Variants in PDE8B observed in about 807,000 individuals in gnomAD.
The protein encoded by PDE8B is phosphodiesterase 8B, also known as high affinity cAMP-specific and IBMX-insensitive 3',5'-cyclic phosphodiesterase 8B.
PDE8B carries 26 observed loss-of-function variants against 101.3 expected under a neutral mutation model. The observed-to-expected ratio is 0.26, with a 90% confidence interval of 0.19 to 0.36. PDE8B has a LOEUF of 0.36. PDE8B is among the 10% of genes least tolerant of loss of function. PDE8B has a pLI of 1.00. For synonymous variants in PDE8B, 424 were observed against 429.3 expected (o/e 0.99, Z 0.15); for missense variants, 810 against 1,163.1 (o/e 0.70, Z 4.42).
chr5:77,322,467 T>A (rs917848938), intron 2 of PDE8B, among the ~76,000 whole-genome samples: 6 of 152,128 alleles, frequency 3.9e-5, no homozygotes, highest in Non-Finnish European at 5.9e-5. Flanking sequence ...TAGAAGGCCT[T>A]ATCATGGTCT....
In PDE8B at chr5:77,377,405, C is replaced by G. The variant is rs569275671; in HGVS notation, c.1168-22843C>G. Among the ~76,000 whole-genome samples, 38 of 152,310 alleles carry G rather than the reference C, an allele frequency of 2.5e-4. No individual in the cohort carries two copies. The South Asian group carries it at 7.7e-3, about 31-fold the overall frequency. On this transcript the variant is annotated intron_variant, in intron 10 of 21. Coordinates refer to ENST00000264917, the MANE Select transcript of PDE8B (RefSeq NM_003719.5). ...GCAGATTCGTAGTCTCCCACCCAAA[C>G]CTGCTGAAACAAGTGATGGGTGCAG...
At chr5:77,227,178 G>A (rs572279024) in intron 1 of PDE8B, among the ~76,000 whole-genome samples, 6 of 152,212 alleles carry the variant, frequency 3.9e-5, no homozygotes, top group Admixed American at 2.6e-4. Flanking sequence ...GGAATGCATA[G>A]ATGTATATTC....
At chr5:77,339,094 A>G (rs1377623389) in intron 6 of PDE8B, among the ~76,000 whole-genome samples, 4 of 152,296 alleles carry the variant, frequency 2.6e-5, no homozygotes, top group Admixed American at 6.5e-5. Context: ...CCTTCAGGTT[A>G]TTGTACTGCT....
intron 1 of PDE8B, among the ~76,000 whole-genome samples, chr5:77,261,776 T>C (rs1760640772): frequency 6.6e-6 from 1 of 152,194 alleles, no homozygotes; most frequent in African/African-American, 2.4e-5. Flanking sequence ...TGCTTCTAAA[T>C]CCCAATGGTT....
chr5:77,092,172 A>G, the PDE8B span, among the ~76,000 whole-genome samples: 1 of 152,152 alleles, frequency 6.6e-6, no homozygotes. Flanking sequence ...ATTTATTTTT[A>G]AAGTCAGATA....
intron 1 of PDE8B, among the ~76,000 whole-genome samples, chr5:77,251,036 A>G (rs1757958757): frequency 6.6e-6 from 1 of 152,240 alleles, no homozygotes; most frequent in Non-Finnish European, 1.5e-5. Context: ...AGGCTGTTTA[A>G]CAATAGTAGC....
At chr5:77,229,571 T>C (rs1044317163) in intron 1 of PDE8B, among the ~76,000 whole-genome samples, 23 of 152,200 alleles carry the variant, frequency 1.5e-4, no homozygotes, top group African/African-American at 5.6e-4. Context: ...AAACCCTGAA[T>C]TTATTAGCAG....
the PDE8B span, chr5:77,118,629 G>T: frequency 2.6e-6 from 1 of 378,364 alleles, no homozygotes; most frequent in Non-Finnish European, 4.7e-6. Context: ...GATTCTTACT[G>T]CAATGACAAT....
chr5:77,358,121 G>A (rs1169505256), intron 10 of PDE8B, among the ~76,000 whole-genome samples: 1 of 152,178 alleles, frequency 6.6e-6, no homozygotes, highest in Non-Finnish European at 1.5e-5. Context: ...CCAGCTTCTG[G>A]CAAACCATGA....
the PDE8B span, chr5:77,088,351 T>C: frequency 6.6e-6 from 1 of 152,236 alleles, no homozygotes; most frequent in Admixed American, 6.5e-5. Flanking sequence ...GGCTTAAGTG[T>C]TAACCAGCTC....
the PDE8B span, among the ~76,000 whole-genome samples, chr5:77,169,864 A>G: frequency 6.6e-6 from 1 of 152,152 alleles, no homozygotes; most frequent in African/African-American, 2.4e-5. Flanking sequence ...TGAGTGCTGA[A>G]AGTGATTAGG....
At chr5:77,389,791 T>G (rs335618) in intron 10 of PDE8B, among the ~76,000 whole-genome samples, 69,002 of 151,982 alleles carry the variant, frequency 0.45, 16,433 homozygotes, top group African/African-American at 0.61. Context: ...TTTTTTCCTT[T>G]TTATTACTGA....
At chr5:77,336,762 A>C (rs553786170) in intron 5 of PDE8B, among the ~76,000 whole-genome samples, 3 of 152,346 alleles carry the variant, frequency 2.0e-5, no homozygotes, top group Admixed American at 1.3e-4. Flanking sequence ...TTGCTGGATC[A>C]TATGAGAATT....
chr5:77,102,270 A>AT, the PDE8B span, among the ~76,000 whole-genome samples: 25 of 151,440 alleles, frequency 1.7e-4, no homozygotes, highest in Admixed American at 3.3e-4. Flanking sequence ...TTTAGTTTAG[A>AT]TTTTTTTTTG....
At chr5:77,130,186 A>T in the PDE8B span, among the ~76,000 whole-genome samples, 1 of 152,140 alleles carries the variant, frequency 6.6e-6, no homozygotes, top group Non-Finnish European at 1.5e-5. Flanking sequence ...TCTGAGCAAT[A>T]TCTGATGAAC....
In PDE8B at chr5:77,210,718, CA is replaced by C; in HGVS notation, c.-204del. 1 of 980,830 alleles carries C rather than the reference CA, an allele frequency of 1.0e-6. No individual in the cohort carries two copies. Among genetic ancestry groups the C allele is most frequent in the South Asian group, 4.7e-5 (1 of 21,250 alleles). 60.8% of individuals were successfully genotyped at this position (980,830 alleles called of 1,614,324 possible). A position where few individuals can be genotyped will look rare whatever the true frequency, so the allele number is the denominator to read the frequency against. On this transcript the variant is annotated 5_prime_UTR_variant, in exon 1 of 22. The change creates a premature stop within an existing upstream ORF in the 5' untranslated region. Coordinates refer to ENST00000264917, the MANE Select transcript of PDE8B (RefSeq NM_003719.5). This position sits in a 1 kb window ranked among gnomAD's most constrained non-coding sequence, Gnocchi z 4.9. Reference sequence around the variant, plus strand: ...CCCCCGCTCGGGGAGGAAGATGGCCCAAAAGGGAAAGTTGGGGTGACGCGCG... The same window carrying C: ...CCCCCGCTCGGGGAGGAAGATGGCCCAAAGGGAAAGTTGGGGTGACGCGCG...
At chr5:77,177,571 T>A in the PDE8B span, among the ~76,000 whole-genome samples, 12 of 152,354 alleles carry the variant, frequency 7.9e-5, no homozygotes, top group African/African-American at 2.9e-4. Flanking sequence ...AGAACTTTTA[T>A]CTTTTCACTT....
intron 12 of PDE8B, among the ~76,000 whole-genome samples, chr5:77,405,996 G>A (rs1387233164): frequency 6.6e-6 from 1 of 152,132 alleles, no homozygotes; most frequent in Non-Finnish European, 1.5e-5. Flanking sequence ...TATGAAAGTG[G>A]CTGACATAGG....
the PDE8B span, among the ~76,000 whole-genome samples, chr5:77,096,704 C>T: frequency 3.5e-4 from 53 of 152,300 alleles, 1 homozygote; most frequent in African/African-American, 9.6e-4. Context: ...TAAACCATAG[C>T]GCCAGCAGTA....
Sources: gnomAD v4.1 joint callset for allele counts (sites outside exome capture counted in the v4.1 genomes callset) on GRCh38, gnomAD v4.1.1 for gene constraint, Gnocchi (gnomAD v3.1) non-coding constraint, MANE v1.5 for transcripts, NCBI Gene and HGNC (gene_info 2026-07-23, HGNC 2026-07-21) for gene names.